The following PLXNC1 variants were observed in gnomAD, a reference collection of about 807,000 sequenced individuals.
PLXNC1 encodes plexin C1, also known as plexin-C1.
In PLXNC1, 75 loss-of-function variants were observed where a neutral mutation model predicts 178.2. The ratio of observed to expected loss-of-function variants is 0.42; its 90% CI spans 0.35 to 0.51. PLXNC1 has a LOEUF of 0.51. PLXNC1 is among the 20% of genes least tolerant of loss of function. The probability of loss-of-function intolerance (pLI) is 0.02; values close to 1 mark genes in which losing one functional copy is unlikely to be tolerated. For missense variants in PLXNC1, 1,503 were observed against 1,984.4 expected, an observed-to-expected ratio of 0.76 and a Z score of 4.61; for synonymous variants, 790 against 779.9, an observed-to-expected ratio of 1.01 and a Z score of -0.22.
At position 94,260,832 on chromosome 12, in the gene PLXNC1, T is replaced by C; in HGVS notation, c.3442T>C (p.Phe1148Leu). ...TNWMSVCLSGFLRETVGEPFY... is the reference protein window; with the variant it reads ...TNWMSVCLSGLLRETVGEPFY... The stretch of plus-strand genomic sequence containing the variant: ...CTGGATGTCCGTCTGCCTTTCTGGA[T>C]TTCTCCGGGTAAGTGTCACATCCCT... Residue 1148 changes from phenylalanine (F) to leucine (L), a missense_variant, in exon 20 of 31, where the codon TTT becomes CTT. Phe to Leu is a conservative substitution (Grantham distance 22). Around this residue, in one of 4 missense-constraint regions of PLXNC1, gnomAD observed 639 missense variants for 979.7 expected, o/e 0.65. Transcript: ENST00000258526. This position sits in a 1 kb window ranked among gnomAD's most constrained non-coding sequence, Gnocchi z 4.4. The C allele has an allele frequency of 1.2e-6, 2 of 1,614,084 alleles. No homozygotes were observed. The highest frequency in any genetic ancestry group is 1.7e-6 in the Non-Finnish European group (2 of 1,179,956).
intron 4 of PLXNC1, among the ~76,000 whole-genome samples, chr12:94,200,442 C>A (rs957611012): frequency 1.3e-5 from 2 of 152,024 alleles, no homozygotes; most frequent in African/African-American, 2.4e-5. Flanking sequence ...TTGTTTTTTG[C>A]TTTTTAAACA....
intron 2 of PLXNC1, among the ~76,000 whole-genome samples, chr12:94,179,912 G>A (rs1473012720): frequency 6.6e-6 from 1 of 152,134 alleles, no homozygotes; most frequent in African/African-American, 2.4e-5. Flanking sequence ...TTTTAGAGAT[G>A]AGGAAATTGA....
intron 21 of PLXNC1, among the ~76,000 whole-genome samples, chr12:94,267,981 T>C (rs1372515406): frequency 6.6e-6 from 1 of 152,154 alleles, no homozygotes; most frequent in Admixed American, 6.6e-5. Flanking sequence ...TGATTCTGTG[T>C]GTCCTTGTGT....
chr12:94,296,217 G>A (rs1967906321), intron 24 of PLXNC1, among the ~76,000 whole-genome samples: 1 of 152,168 alleles, frequency 6.6e-6, no homozygotes, highest in African/African-American at 2.4e-5. Flanking sequence ...CTGTAGTGCA[G>A]TGGTACAATC....
chr12:94,237,648 C>A lies in PLXNC1; in HGVS notation c.1981-16C>A, dbSNP rs767440996. ...CTTAGCTTTGATCTCCTGTTTTAAT[C>A]TTTTCTTTCCAATAGGTCTTCTACA... On this transcript the variant is annotated splice_polypyrimidine_tract_variant and intron_variant, in intron 9 of 30. Transcript: ENST00000258526. 14 of 1,607,622 alleles carry A rather than the reference C, an allele frequency of 8.7e-6. No homozygotes were observed. The highest frequency in any genetic ancestry group is 1.6e-4 in the Middle Eastern group (1 of 6,062).
Position 94,240,668 on chromosome 12 carries a change from C to T in PLXNC1, c.2300+4C>T, listed in dbSNP as rs1262576307. On this transcript the variant is annotated splice_donor_region_variant and intron_variant, in intron 11 of 30. Transcript: ENST00000258526. ...TTCCTGCTACCACCTGGATCAGGTA[C>T]TTTCTAGATTCATAATCTTTTTCTC... The T allele has an allele frequency of 3.1e-6, 5 of 1,596,992 alleles. No individual in the cohort carries two copies. Among genetic ancestry groups the T allele is most frequent in the Non-Finnish European group, 3.4e-6 (4 of 1,167,740 alleles).
intron 2 of PLXNC1, among the ~76,000 whole-genome samples, chr12:94,177,050 T>C (rs938873520): frequency 1.8e-5 from 2 of 111,764 alleles, no homozygotes; most frequent in African/African-American, 3.8e-5. Context: ...TCATTTCATA[T>C]ATATGTGTGT....
In PLXNC1 at chr12:94,297,218, T is replaced by C. The variant is rs1565871428; in HGVS notation, c.3964T>C (p.Leu1322=). ...GGAGTACTCGGATGACCACTGCCAT[T>C]TGGTGAGTTCAGGCTTTCTTGTGCT... is the stretch of plus-strand genomic sequence containing the variant. The part of the protein sequence containing the change: ...DVEYSDDHCH[L]ILPDSEAFQD... Residue 1322 remains leucine, a splice_region_variant and synonymous_variant, in exon 25 of 31, where the codon TTG becomes CTG. Transcript: ENST00000258526. The C allele has an allele frequency of 1.2e-6, 2 of 1,614,136 alleles. No homozygotes were observed. Among genetic ancestry groups the C allele is most frequent in the African/African-American group, 1.3e-5 (1 of 75,038 alleles).
chr12:94,170,346 C>T (rs966501168), intron 2 of PLXNC1, among the ~76,000 whole-genome samples: 1 of 152,208 alleles, frequency 6.6e-6, no homozygotes, highest in African/African-American at 2.4e-5. Context: ...TCCCCATCCC[C>T]AAGCCAAACC....
Position 94,220,012 on chromosome 12 carries a change from A to G in PLXNC1, c.1555-4A>G. 3 of 1,613,616 alleles carry G rather than the reference A, an allele frequency of 1.9e-6. No homozygotes were observed. The highest frequency in any genetic ancestry group is 2.5e-6 in the Non-Finnish European group (3 of 1,179,714). Reference sequence around the variant, plus strand: ...CATTTTTTCCCCATATCTTCCCCGCACAGACTACAGTGACTATGGTGGGAA... The same window carrying G: ...CATTTTTTCCCCATATCTTCCCCGCGCAGACTACAGTGACTATGGTGGGAA... On this transcript the variant is annotated splice_polypyrimidine_tract_variant and splice_region_variant and intron_variant, in intron 5 of 30. Coordinates refer to ENST00000258526, the MANE Select transcript of PLXNC1 (RefSeq NM_005761.3).
chr12:94,158,030 A>C (rs547392720), intron 1 of PLXNC1: 3 of 152,250 alleles, frequency 2.0e-5, no homozygotes, highest in Non-Finnish European at 4.4e-5. Context: ...GCAACAAGCC[A>C]GATTTGGCCC....
chr12:94,280,417 G>A (rs544205329), intron 22 of PLXNC1, among the ~76,000 whole-genome samples: 3 of 152,306 alleles, frequency 2.0e-5, no homozygotes, highest in Non-Finnish European at 2.9e-5. Flanking sequence ...TATAGGCCTT[G>A]ACTAAGCAGG....
At chr12:94,304,167 A>C (rs1162348709) in intron 30 of PLXNC1, 116 bp downstream of exon 30, 7 of 676,422 alleles carry the variant, frequency 1.0e-5, no homozygotes, top group African/African-American at 3.6e-5. Context: ...AAGGGAAGCC[A>C]GGAAGCCTGT....
chr12:94,187,192 G>GAGAGAGA (rs5800150), intron 4 of PLXNC1, among the ~76,000 whole-genome samples: 2 of 148,586 alleles, frequency 1.3e-5, no homozygotes, highest in African/African-American at 4.9e-5. Context: ...GAGAGAGAGA[G>GAGAGAGA]AAAAAAAAAC....
Position 94,149,878 on chromosome 12 carries a change from C to A in PLXNC1, c.907C>A (p.Leu303Met). Residue 303 changes from leucine to methionine, a missense_variant, in exon 1 of 31, where the codon CTG becomes ATG. Physicochemically the swap from Leu to Met is conservative, Grantham distance 15. This residue lies in a region of PLXNC1 where 615 missense variants were observed against 698.6 expected (regional missense o/e 0.88). Transcript: ENST00000258526. ...LLLSSSLVEALDVWAGVFSAA... is the reference protein window; with the variant it reads ...LLLSSSLVEAMDVWAGVFSAA... ...CCTCTCCTCCAGCCTAGTGGAGGCC[C>A]TGGACGTCTGGGCGGGAGTGTTCAG... 3 of 1,587,576 alleles carry A rather than the reference C, an allele frequency of 1.9e-6. No homozygotes were observed. In the South Asian group the frequency reaches 3.4e-5, roughly 18 times the overall value.
intron 6 of PLXNC1, 111 bp from the exon 7 acceptor site, chr12:94,224,117 C>T: frequency 1.4e-6 from 1 of 740,666 alleles, no homozygotes; most frequent in Non-Finnish European, 2.5e-6. Context: ...CTGGCACGCT[C>T]CTGCCCACTA....
chr12:94,185,457 G>C (rs1357488424), intron 3 of PLXNC1, among the ~76,000 whole-genome samples: 1 of 152,204 alleles, frequency 6.6e-6, no homozygotes, highest in Non-Finnish European at 1.5e-5. Context: ...TTTGCCTGCA[G>C]AAAGTGCTCT....
At chr12:94,158,973 A>G (rs1333911443) in intron 1 of PLXNC1, among the ~76,000 whole-genome samples, 1 of 152,166 alleles carries the variant, frequency 6.6e-6, no homozygotes, top group Non-Finnish European at 1.5e-5. Context: ...AAACAGCGGG[A>G]TTATAAACAG....
intron 5 of PLXNC1, among the ~76,000 whole-genome samples, 181 bp from the exon 6 acceptor site, chr12:94,219,835 A>ATTTATTTG (rs1963744276): frequency 6.6e-6 from 1 of 151,022 alleles, no homozygotes; most frequent in Non-Finnish European, 1.5e-5. Context: ...TTATTTATTT[A>ATTTATTTG]TTTATTTATT....
Sources: allele counts gnomAD v4.1 joint callset (sites outside exome capture counted in the v4.1 genomes callset), GRCh38; gene constraint gnomAD v4.1.1; regional missense constraint gnomAD v4.1.1; non-coding constraint Gnocchi (gnomAD v3.1); transcripts MANE v1.5; gene names NCBI Gene and HGNC (gene_info 2026-07-23, HGNC 2026-07-21).